The following NOX4 variants were observed in gnomAD, a reference collection of about 807,000 sequenced individuals.
The protein encoded by NOX4 is kidney oxidase-1.
A neutral mutation model predicts 87.6 loss-of-function variants in NOX4; 69 were observed. The ratio of observed to expected loss-of-function variants is 0.79; its 90% CI spans 0.65 to 0.96. The LOEUF (loss-of-function observed/expected upper bound fraction) is 0.96. Ranked by LOEUF, NOX4 falls within the 40% of genes least tolerant of loss-of-function variation. The pLI is 0.00. For synonymous variants in NOX4, 275 were observed against 238.2 expected, an observed-to-expected ratio of 1.15 and a Z score of -1.42; for missense variants, 680 against 681.5, an observed-to-expected ratio of 1.00 and a Z score of 0.02.
chr11:89,501,848 T>A (rs1320885010), upstream of NOX4, among the ~76,000 whole-genome samples: 2 of 152,094 alleles, frequency 1.3e-5, no homozygotes, highest in Non-Finnish European at 2.9e-5. Context: ...TCACCATTTC[T>A]ACCCAGGAGA....
At chr11:89,477,131 A>G (rs2135459769) in intron 2 of NOX4, among the ~76,000 whole-genome samples, 1 of 152,244 alleles carries the variant, frequency 6.6e-6, no homozygotes, top group South Asian at 2.1e-4. Context: ...GTATTATTAC[A>G]TTGTAATATA....
At chr11:89,519,782 C>T in the NOX4 span, among the ~76,000 whole-genome samples, 2 of 152,038 alleles carry the variant, frequency 1.3e-5, no homozygotes, top group African/African-American at 4.8e-5. Flanking sequence ...TATTCAGAGT[C>T]TCACCAATAT....
At chr11:89,484,561 G>A (rs1032235091) in intron 2 of NOX4, among the ~76,000 whole-genome samples, 3 of 151,966 alleles carry the variant, frequency 2.0e-5, no homozygotes, top group African/African-American at 7.2e-5. Flanking sequence ...GGACTAAGGA[G>A]AACAATAGAC....
intron 4 of NOX4, among the ~76,000 whole-genome samples, chr11:89,448,757 C>T (rs1410311115): frequency 1.3e-5 from 2 of 152,020 alleles, no homozygotes; most frequent in African/African-American, 4.8e-5. Context: ...GTGGCACATG[C>T]CTGTAGTCCC....
chr11:89,579,879 G>T, the NOX4 span, among the ~76,000 whole-genome samples: 2 of 151,526 alleles, frequency 1.3e-5, no homozygotes, highest in African/African-American at 4.9e-5. Context: ...AATTGCCTTT[G>T]TCTGGAGAAT....
chr11:89,338,935 C>T (rs1350546056), intron 15 of NOX4, among the ~76,000 whole-genome samples: 4 of 152,082 alleles, frequency 2.6e-5, no homozygotes, highest in Non-Finnish European at 2.9e-5. Flanking sequence ...GAACCTGATG[C>T]TGGATGTATT....
chr11:89,528,013 C>G, the NOX4 span, among the ~76,000 whole-genome samples: 1 of 152,218 alleles, frequency 6.6e-6, no homozygotes, highest in Non-Finnish European at 1.5e-5. Flanking sequence ...CCCTGCAAAG[C>G]CACAGGGATG....
chr11:89,386,406 C>G (rs575381853), intron 11 of NOX4, among the ~76,000 whole-genome samples: 1 of 152,164 alleles, frequency 6.6e-6, no homozygotes, highest in Non-Finnish European at 1.5e-5. Context: ...AACTGCCACC[C>G]TTAATTCTCT....
At chr11:89,374,229 A>T (rs1202632205) in intron 11 of NOX4, among the ~76,000 whole-genome samples, 5 of 152,122 alleles carry the variant, frequency 3.3e-5, no homozygotes, top group Non-Finnish European at 7.4e-5. Flanking sequence ...GTTTTTTCAT[A>T]ACTCATTTGG....
chr11:89,543,278 G>A, the NOX4 span, among the ~76,000 whole-genome samples: 1 of 152,080 alleles, frequency 6.6e-6, no homozygotes, highest in African/African-American at 2.4e-5. Flanking sequence ...ATGGAAGAAA[G>A]ACATTTTATG....
At chr11:89,579,707 T>C in the NOX4 span, among the ~76,000 whole-genome samples, 1,506 of 152,154 alleles carry the variant, frequency 9.9e-3, 28 homozygotes, top group African/African-American at 0.035. Flanking sequence ...ATGTAAGAGA[T>C]TAATAATAGG....
chr11:89,504,038 C>T, the NOX4 span, among the ~76,000 whole-genome samples: 1 of 151,210 alleles, frequency 6.6e-6, no homozygotes, highest in Admixed American at 6.6e-5. Context: ...CTGTGGGGTA[C>T]AAAATAACAA....
chr11:89,393,438 G>GA (rs35062621), intron 11 of NOX4, among the ~76,000 whole-genome samples: 4,104 of 148,098 alleles, frequency 0.028, 175 homozygotes, highest in African/African-American at 0.095. Flanking sequence ...GATCCCAAAG[G>GA]AAAAAAAAAA....
intron 2 of NOX4, among the ~76,000 whole-genome samples, chr11:89,454,313 T>A (rs1460725139): frequency 1.3e-5 from 2 of 152,166 alleles, no homozygotes; most frequent in Admixed American, 6.5e-5. Flanking sequence ...AATATATTTT[T>A]AATGTAATCA....
At chr11:89,427,708 A>G (rs966142527) in intron 7 of NOX4, among the ~76,000 whole-genome samples, 5 of 152,216 alleles carry the variant, frequency 3.3e-5, no homozygotes, top group African/African-American at 1.2e-4. Flanking sequence ...TCCAAGAATT[A>G]TGGGACTATG....
the NOX4 span, among the ~76,000 whole-genome samples, chr11:89,511,213 T>G: frequency 6.6e-6 from 1 of 152,040 alleles, no homozygotes; most frequent in African/African-American, 2.4e-5. Flanking sequence ...AATTCACATT[T>G]TCATCACCTC....
intron 2 of NOX4, among the ~76,000 whole-genome samples, chr11:89,475,392 G>T (rs1009706211): frequency 6.6e-6 from 1 of 151,918 alleles, no homozygotes; most frequent in East Asian, 1.9e-4. Context: ...GAATAATATT[G>T]TCTTCAAATA....
intron 17 of NOX4, among the ~76,000 whole-genome samples, chr11:89,335,545 T>C (rs546599438): frequency 2.5e-4 from 38 of 151,790 alleles, no homozygotes; most frequent in Non-Finnish European, 4.7e-4. Context: ...TCACCTGATA[T>C]ATGCTGTGGG....
rs147815249 is a variant in NOX4, at chr11:89,453,548, G to A, written c.154-1653C>T. Among the ~76,000 whole-genome samples the A allele has an allele frequency of 1.5e-3, 232 of 152,204 alleles. 3 individuals are homozygous for A. The highest frequency in any genetic ancestry group is 8.7e-3 in the Admixed American group (133 of 15,286). Reference sequence around the variant, plus strand: ...TTATGTTCATACTAAAACAAATGAAGAACATAACGGAATAAAAATGCAGAG... The same window carrying A: ...TTATGTTCATACTAAAACAAATGAAAAACATAACGGAATAAAAATGCAGAG... On this transcript the variant is annotated intron_variant, in intron 2 of 17. Coordinates refer to ENST00000263317, the MANE Select transcript of NOX4 (RefSeq NM_016931.5).
Sources: gnomAD v4.1 joint callset for allele counts (sites outside exome capture counted in the v4.1 genomes callset) on GRCh38, gnomAD v4.1.1 for gene constraint, MANE v1.5 for transcripts, NCBI Gene and HGNC (gene_info 2026-07-23, HGNC 2026-07-21) for gene names.